Variants in PIWIL3 observed in about 807,000 individuals in gnomAD.
PIWIL3 encodes piwi-like protein 3.
PIWIL3 carries 101 observed loss-of-function variants against 109.7 expected under a neutral mutation model. That is an observed-to-expected ratio of 0.92 (90% CI 0.78 to 1.09). The LOEUF is 1.09. Ranked by LOEUF, PIWIL3 falls within the 50% of genes least tolerant of loss-of-function variation. The probability of loss-of-function intolerance (pLI) is 0.00; values close to 1 mark genes in which losing one functional copy is unlikely to be tolerated. For missense variants in PIWIL3, 1,031 were observed against 1,072.6 expected (o/e 0.96, Z 0.54); for synonymous variants, 373 against 376.4 (o/e 0.99, Z 0.10).
At chr22:24,742,697 A>G (rs1165404738) in intron 12 of PIWIL3, among the ~76,000 whole-genome samples, 1 of 152,240 alleles carries the variant, frequency 6.6e-6, no homozygotes, top group African/African-American at 2.4e-5. Flanking sequence ...GGCAAGCCAC[A>G]TGTAGCAGAA....
intron 14 of PIWIL3, among the ~76,000 whole-genome samples, chr22:24,730,363 CAAAAAAAA>C (rs59306341): frequency 1.1e-5 from 1 of 93,516 alleles, no homozygotes; most frequent in African/African-American, 4.7e-5. Flanking sequence ...GACTCAGTCT[CAAAAAAAA>C]AAAAAAAAAA....
chr22:24,744,195 A>C (rs865862980), intron 12 of PIWIL3, among the ~76,000 whole-genome samples: 3,031 of 145,970 alleles, frequency 0.021, 166 homozygotes, highest in African/African-American at 0.074. Context: ...AAAAAAAAAA[A>C]AAAAAAAAAA....
At chr22:24,772,604 G>C (rs1456740064) in intron 1 of PIWIL3, among the ~76,000 whole-genome samples, 1 of 152,184 alleles carries the variant, frequency 6.6e-6, no homozygotes, top group Non-Finnish European at 1.5e-5. Context: ...TACCACAGTG[G>C]AGAAGAGCCC....
intron 9 of PIWIL3, 91 bp from the exon 10 acceptor site, chr22:24,749,910 A>G (rs2147695835): frequency 1.9e-6 from 3 of 1,563,368 alleles, no homozygotes; most frequent in Non-Finnish European, 2.6e-6. Context: ...TGGGACTACA[A>G]ATGAAGGGCC....
In PIWIL3 at chr22:24,735,748, C is replaced by T. The variant is rs1422856860; in HGVS notation, c.1594G>A (p.Val532Ile). 2 of 1,612,314 alleles carry T rather than the reference C, an allele frequency of 1.2e-6. No individual in the cohort carries two copies. Among genetic ancestry groups the T allele is most frequent in the Non-Finnish European group, 1.7e-6 (2 of 1,179,556 alleles). The change falls in exon 13 of 21, where the codon GTC (valine) becomes ATC (isoleucine). Residue 532 changes from valine to isoleucine, a missense_variant. Transcript: ENST00000616349. Reference sequence around the variant, plus strand: ...ATAGTTATGCCCATGGGGGCTGTGACACTCTGTAGATGACCCTTTAAGGAC... The same window carrying T: ...ATAGTTATGCCCATGGGGGCTGTGATACTCTGTAGATGACCCTTTAAGGAC... Reference protein sequence around the residue: ...AMSLKGHLQSVTAPMGITMKP... With the variant: ...AMSLKGHLQSITAPMGITMKP...
In PIWIL3 at chr22:24,727,986, G is replaced by A. The variant is rs1923096202; in HGVS notation, c.1973C>T (p.Ala658Val). 2 of 1,613,522 alleles carry A rather than the reference G, an allele frequency of 1.2e-6. No individual in the cohort carries two copies. The highest frequency in any genetic ancestry group is 1.7e-6 in the Non-Finnish European group (2 of 1,179,760). Reference protein sequence around the residue: ...HDIVNRQKSIAGFVASTNAEL... With the variant: ...HDIVNRQKSIVGFVASTNAEL... ...AGCATTGGTACTTGCAACAAATCCTGCTATTGATTTCTGTCGATTTACGAT... is the reference window on the plus strand; with the variant it reads ...AGCATTGGTACTTGCAACAAATCCTACTATTGATTTCTGTCGATTTACGAT... Residue 658 changes from alanine (A) to valine (V), a missense_variant, in exon 16 of 21, where the codon GCA (alanine) becomes GTA (valine). Transcript: ENST00000616349.
intron 1 of PIWIL3, among the ~76,000 whole-genome samples, chr22:24,767,625 A>G (rs182351077): frequency 6.6e-6 from 1 of 152,238 alleles, no homozygotes; most frequent in African/African-American, 2.4e-5. Flanking sequence ...TGGGATAACT[A>G]TAAAAGGTGT....
chr22:24,733,261 G>A (rs1482808904), intron 14 of PIWIL3, among the ~76,000 whole-genome samples: 1 of 152,112 alleles, frequency 6.6e-6, no homozygotes, highest in East Asian at 1.9e-4. Flanking sequence ...CATCCTGGGG[G>A]AAGAAAGAAG....
In PIWIL3 at chr22:24,725,487, T is replaced by G; in HGVS notation, c.2038A>C (p.Thr680Pro). The G allele has an allele frequency of 6.2e-7, 1 of 1,614,086 alleles. No individual in the cohort carries two copies. Among genetic ancestry groups the G allele is most frequent in the South Asian group, 1.1e-5 (1 of 91,088 alleles). ...AGCTCTTTCACAAGCTCTTCTCCTG[T>G]TTTCTGGATGACACATTGAGAGTAC... Reference protein sequence around the residue: ...KWYSQCVIQKTGEELVKELEI... With the variant: ...KWYSQCVIQKPGEELVKELEI... Residue 680 changes from threonine (T) to proline (P), a missense_variant, in exon 17 of 21, where the codon ACA becomes CCA. By Grantham distance (38) the Thr-to-Pro change is conservative. Coordinates refer to ENST00000616349, the MANE Select transcript of PIWIL3 (RefSeq NM_001255975.1).
At chr22:24,722,881 G>A (rs1922757836) in intron 19 of PIWIL3, among the ~76,000 whole-genome samples, 1 of 152,146 alleles carries the variant, frequency 6.6e-6, no homozygotes, top group Non-Finnish European at 1.5e-5. Flanking sequence ...GGGCCACACT[G>A]AAGTTAAATC....
chr22:24,768,092 G>A (rs1925900260), intron 1 of PIWIL3, among the ~76,000 whole-genome samples: 1 of 152,168 alleles, frequency 6.6e-6, no homozygotes, highest in Non-Finnish European at 1.5e-5. Flanking sequence ...ACAAATTGCT[G>A]TTTCCAATGG....
chr22:24,750,567 C>A (rs73152594), intron 9 of PIWIL3, among the ~76,000 whole-genome samples: 27,552 of 146,236 alleles, frequency 0.19, 2,874 homozygotes, highest in Admixed American at 0.31. Context: ...TGGCTCACTG[C>A]AACCCCCGCC....
intron 12 of PIWIL3, among the ~76,000 whole-genome samples, chr22:24,739,398 TAATC>T (rs997162363): frequency 6.6e-6 from 1 of 152,138 alleles, no homozygotes; most frequent in African/African-American, 2.4e-5. Flanking sequence ...AGGCATTTGA[TAATC>T]AAACTTTAAA....
In PIWIL3 at chr22:24,749,417, T is replaced by C. The variant is rs769847087; in HGVS notation, c.1321A>G (p.Asn441Asp). Residue 441 changes from asparagine (N) to aspartate (D), a missense_variant, in exon 11 of 21, where the codon AAT becomes GAT. By Grantham distance (23) the Asn-to-Asp change is conservative. Transcript: ENST00000616349. ...RRHHTLKEFI[N>D]TLQDNKKVRE... is the part of the protein sequence containing the mutation. Reference sequence around the variant, plus strand: ...AGCAGCACTTACTCTTGTAGAGTATTGATGAATTCTTTTAATGTATGATGC... The same window carrying C: ...AGCAGCACTTACTCTTGTAGAGTATCGATGAATTCTTTTAATGTATGATGC... 1.2e-6 allele frequency: 2 copies of C among 1,613,794 alleles called. No homozygotes were observed. Among genetic ancestry groups the C allele is most frequent in the Non-Finnish European group, 1.7e-6 (2 of 1,179,976 alleles).
chr22:24,734,858 C>T, intron 13 of PIWIL3, among the ~76,000 whole-genome samples: 1 of 93,400 alleles, frequency 1.1e-5, no homozygotes, highest in South Asian at 3.2e-4. Flanking sequence ...CCAAAAAAAA[C>T]AACGTTTAGG....
intron 12 of PIWIL3, among the ~76,000 whole-genome samples, chr22:24,746,488 A>G (rs1298423709): frequency 6.6e-6 from 1 of 152,140 alleles, no homozygotes; most frequent in East Asian, 1.9e-4. Context: ...CCTTTTCTCC[A>G]AGATCTAGAA....
At position 24,727,967 on chromosome 22, in the gene PIWIL3, G is replaced by A; in HGVS notation, c.1992C>T (p.Thr664=). 1.2e-6 allele frequency: 2 copies of A among 1,612,608 alleles called. No homozygotes were observed. Among genetic ancestry groups the A allele is most frequent in the Non-Finnish European group, 8.5e-7 (1 of 1,179,282 alleles). The change falls in exon 16 of 21, where the codon ACC becomes ACT. Residue 664 remains threonine, a synonymous_variant. Coordinates refer to ENST00000616349, the MANE Select transcript of PIWIL3 (RefSeq NM_001255975.1). ...TTACTTACTTTGTTAATTCAGCATT[G>A]GTACTTGCAACAAATCCTGCTATTG... The part of the protein sequence containing the change: ...QKSIAGFVAS[T]NAELTKWYSQ...
chr22:24,728,159 C>A lies in PIWIL3; in HGVS notation c.1905+18G>T. The A allele has an allele frequency of 6.2e-7, 1 of 1,612,190 alleles. No individual in the cohort carries two copies. The highest frequency in any genetic ancestry group is 1.1e-5 in the South Asian group (1 of 91,010). The stretch of plus-strand genomic sequence containing the variant: ...TTATTAGAAGTAAGTTAAACGAAGT[C>A]AGTGAAATACAACATACGTCTGTCT... On this transcript the variant is annotated intron_variant, in intron 15 of 20. Coordinates refer to ENST00000616349, the MANE Select transcript of PIWIL3 (RefSeq NM_001255975.1).
chr22:24,750,914 G>A (rs770446675), intron 9 of PIWIL3, among the ~76,000 whole-genome samples: 2 of 151,140 alleles, frequency 1.3e-5, no homozygotes, highest in Non-Finnish European at 3.0e-5. Context: ...ACCTGAGGTC[G>A]GAAGCTCGAG....
Sources: gnomAD v4.1 joint callset for allele counts (sites outside exome capture counted in the v4.1 genomes callset) on GRCh38, gnomAD v4.1.1 for gene constraint, MANE v1.5 for transcripts, NCBI Gene and HGNC (gene_info 2026-07-23, HGNC 2026-07-21) for gene names.